Variants in EYS observed in about 807,000 individuals in gnomAD.
EYS encodes protein eyes shut homolog.
A neutral mutation model predicts 282.1 loss-of-function variants in EYS; 250 were observed. The observed-to-expected ratio is 0.89, with a 90% CI of 0.80 to 0.98. The LOEUF (loss-of-function observed/expected upper bound fraction) is 0.98, where lower values mean the gene tolerates loss of function less well. EYS is among the 50% of genes least tolerant of loss of function. EYS has a pLI of 0.00. For synonymous variants in EYS, 1,355 were observed against 1,282.9 expected (o/e 1.06, Z -1.20); for missense variants, 4,016 against 3,709.0 (o/e 1.08, Z -2.15).
chr6:65,682,436 T>C (rs1768865003), intron 1 of EYS, among the ~76,000 whole-genome samples: 1 of 151,960 alleles, frequency 6.6e-6, no homozygotes. Context: ...ATGTCATAAA[T>C]AATTTTATAT....
intron 24 of EYS, among the ~76,000 whole-genome samples, chr6:64,598,447 C>T (rs899290577): frequency 3.9e-5 from 6 of 152,132 alleles, no homozygotes; most frequent in Admixed American, 1.3e-4. Context: ...GGCGACAGTG[C>T]GAGACTCCGT....
At position 64,466,910 on chromosome 6, in the gene EYS, C is replaced by G. The variant is rs115559266; in HGVS notation, c.5645-27558G>C. Among the ~76,000 whole-genome samples, 1,055 of 151,992 alleles carry G rather than the reference C, an allele frequency of 6.9e-3. 10 individuals carry two copies. The highest frequency in any genetic ancestry group is 0.024 in the African/African-American group (1,001 of 41,466). On this transcript the variant is annotated intron_variant, in intron 26 of 42. Coordinates refer to ENST00000503581, the MANE Select transcript of EYS (RefSeq NM_001142800.2). The stretch of plus-strand genomic sequence containing the variant: ...ATTTAATTTAAAATTCTAAAAAAAT[C>G]TGTTAATCTGAAGACATTAAAGTAT...
intron 2 of EYS, among the ~76,000 whole-genome samples, chr6:65,525,324 G>A (rs1487003987): frequency 1.3e-5 from 2 of 152,046 alleles, no homozygotes; most frequent in Non-Finnish European, 2.9e-5. Context: ...AAGCATCTCA[G>A]TGAAAACAAA....
intron 26 of EYS, among the ~76,000 whole-genome samples, chr6:64,588,629 G>A (rs1766306156): frequency 6.6e-6 from 1 of 151,938 alleles, no homozygotes; most frequent in African/African-American, 2.4e-5. Flanking sequence ...TGCTGGTTTT[G>A]CTGTTATTGG....
rs1773852128 is a variant in EYS, at chr6:64,128,287, C to A, written c.6425-46285G>T. Among the ~76,000 whole-genome samples the A allele has an allele frequency of 2.6e-5, 4 of 152,212 alleles. No homozygotes were observed. The South Asian group carries it at 8.3e-4, about 32-fold the overall frequency. The stretch of plus-strand genomic sequence containing the variant: ...TTTTGTGCATCATTGCCCCTAACTG[C>A]ATCTTTAAAATACATGCTGTGAATA... On this transcript the variant is annotated intron_variant, in intron 31 of 42. Coordinates refer to ENST00000503581, the MANE Select transcript of EYS (RefSeq NM_001142800.2).
At chr6:63,878,471 C>G (rs977790141) in intron 35 of EYS, among the ~76,000 whole-genome samples, 5 of 152,210 alleles carry the variant, frequency 3.3e-5, no homozygotes, top group African/African-American at 4.8e-5. Context: ...ATCTCAAACT[C>G]CATGCTCGGA....
chr6:64,965,010 T>C (rs1157959369), intron 14 of EYS, among the ~76,000 whole-genome samples: 1 of 152,080 alleles, frequency 6.6e-6, no homozygotes, highest in Non-Finnish European at 1.5e-5. Flanking sequence ...TCCTGCTGGA[T>C]GACAGAGTGA....
At chr6:65,198,233 G>A (rs1765816655) in intron 12 of EYS, among the ~76,000 whole-genome samples, 1 of 152,064 alleles carries the variant, frequency 6.6e-6, no homozygotes, top group Non-Finnish European at 1.5e-5. Flanking sequence ...TGGAAGGTGT[G>A]CAGGGGCAGT....
intron 12 of EYS, among the ~76,000 whole-genome samples, chr6:65,083,895 T>C (rs1228392762): frequency 6.6e-6 from 1 of 151,778 alleles, no homozygotes; most frequent in African/African-American, 2.4e-5. Context: ...ATTTTTATAT[T>C]ACTCTAAGCC....
chr6:64,501,776 T>G (rs1185687053), intron 26 of EYS, among the ~76,000 whole-genome samples: 3 of 152,194 alleles, frequency 2.0e-5, no homozygotes, highest in African/African-American at 7.2e-5. Flanking sequence ...GTGTATGCAG[T>G]GACTTAACAT....
intron 14 of EYS, among the ~76,000 whole-genome samples, chr6:64,969,102 A>T (rs931288131): frequency 6.6e-6 from 1 of 152,124 alleles, no homozygotes; most frequent in African/African-American, 2.4e-5. Flanking sequence ...AAAAAAAAAA[A>T]ATCTCATTTC....
chr6:65,013,273 CATGAT>C (rs2150134410), intron 13 of EYS, among the ~76,000 whole-genome samples: 1 of 152,216 alleles, frequency 6.6e-6, no homozygotes, highest in East Asian at 1.9e-4. Context: ...AGAAAATACT[CATGAT>C]ATTTTCTTTT....
At chr6:65,504,521 T>G (rs1766580909) in intron 2 of EYS, among the ~76,000 whole-genome samples, 1 of 151,758 alleles carries the variant, frequency 6.6e-6, no homozygotes, top group African/African-American at 2.4e-5. Flanking sequence ...CGAATTAGCA[T>G]AACTGTAGGA....
chr6:64,241,636 T>G lies in EYS; in HGVS notation c.6192-10812A>C, dbSNP rs533290167. On this transcript the variant is annotated intron_variant, in intron 30 of 42. Transcript: ENST00000503581. Reference sequence around the variant, plus strand: ...TTTTCAAAAAAAACAGCTCCTGGATTCATTGATTTTTTGAAGGTTTTTGTG... The same window carrying G: ...TTTTCAAAAAAAACAGCTCCTGGATGCATTGATTTTTTGAAGGTTTTTGTG... 3.4e-3 allele frequency among the ~76,000 whole-genome samples: 520 copies of G among 151,800 alleles called. 1 individual carries two copies. Among genetic ancestry groups the G allele is most frequent in the African/African-American group, 0.012 (497 of 41,310 alleles).
chr6:64,754,553 A>G (rs1772871019), intron 22 of EYS, among the ~76,000 whole-genome samples: 1 of 152,106 alleles, frequency 6.6e-6, no homozygotes, highest in Admixed American at 6.6e-5. Flanking sequence ...CTACAAACCA[A>G]TATCACTGAT....
chr6:64,925,992 G>A (rs925165403), intron 15 of EYS, among the ~76,000 whole-genome samples: 4 of 152,144 alleles, frequency 2.6e-5, no homozygotes, highest in Non-Finnish European at 5.9e-5. Flanking sequence ...GATGGCTCAG[G>A]CTCTACAGAC....
intron 14 of EYS, among the ~76,000 whole-genome samples, chr6:64,993,172 A>G (rs28546411): frequency 0.068 from 10,318 of 152,106 alleles, 442 homozygotes; most frequent in East Asian, 0.13. Flanking sequence ...GGAAGGAAAT[A>G]AGCGACTCTC....
intron 12 of EYS, among the ~76,000 whole-genome samples, chr6:65,150,075 A>G (rs371351328): frequency 6.6e-6 from 1 of 152,000 alleles, no homozygotes; most frequent in East Asian, 1.9e-4. Flanking sequence ...CCATGATCCA[A>G]TCACTTCACA....
intron 33 of EYS, among the ~76,000 whole-genome samples, chr6:64,004,648 CCTT>C (rs1171509427): frequency 6.6e-6 from 1 of 152,080 alleles, no homozygotes; most frequent in African/African-American, 2.4e-5. Flanking sequence ...TCCGTTGTTG[CCTT>C]CTTTGTGTTC....
Sources: gnomAD v4.1 joint callset for allele counts (sites outside exome capture counted in the v4.1 genomes callset) on GRCh38, gnomAD v4.1.1 for gene constraint, MANE v1.5 for transcripts, NCBI Gene and HGNC (gene_info 2026-07-23, HGNC 2026-07-21) for gene names.